The following ISY1 variants were observed in gnomAD, a reference collection of about 807,000 sequenced individuals.
ISY1 encodes the protein pre-mRNA-splicing factor ISY1 homolog.
ISY1 carries 12 observed loss-of-function variants against 54.4 expected under a neutral mutation model. The observed-to-expected ratio is 0.22, with a 90% CI of 0.14 to 0.36. The LOEUF (loss-of-function observed/expected upper bound fraction) is 0.36. Ranked by LOEUF, ISY1 falls within the 10% of genes least tolerant of loss-of-function variation. The probability of loss-of-function intolerance (pLI) is 1.00; values close to 1 mark genes in which losing one functional copy is unlikely to be tolerated. For synonymous variants in ISY1, 96 were observed against 117.9 expected (o/e 0.81, Z 1.20); for missense variants, 282 against 342.2 (o/e 0.82, Z 1.39).
Position 129,134,070 on chromosome 3 carries a change from A to G in ISY1, c.663+4T>C, listed in dbSNP as rs1178711169. ...TGAGTGCCAGAGGGGGCCAACCCCA[A>G]TACCTCCTCCTCGGTGACTGCATAG... is the stretch of plus-strand genomic sequence containing the variant. On this transcript the variant is annotated splice_donor_region_variant and intron_variant, in intron 9 of 10. Transcript: ENST00000393295. 1.2e-6 allele frequency: 2 copies of G among 1,614,044 alleles called. No individual in the cohort carries two copies. The highest frequency in any genetic ancestry group is 1.7e-5 in the Admixed American group (1 of 60,006).
intron 5 of ISY1, among the ~76,000 whole-genome samples, chr3:129,149,408 C>T (rs1450714833): frequency 5.0e-5 from 3 of 60,478 alleles, no homozygotes; most frequent in Non-Finnish European, 6.1e-5. Flanking sequence ...AGCCTGGCGA[C>T]AAGAACAAAA....
At chr3:129,158,629 C>A in intron 2 of ISY1, 70 bp from the exon 3 acceptor site, 1 of 1,596,892 alleles carries the variant, frequency 6.3e-7, no homozygotes, top group Non-Finnish European at 8.6e-7. Context: ...TACCCATGTT[C>A]CTGTATGGGG....
At position 129,152,052 on chromosome 3, in the gene ISY1, G is replaced by A. The variant is rs372869704; in HGVS notation, c.187+4581C>T. On this transcript the variant is annotated intron_variant, in intron 5 of 10. Coordinates refer to ENST00000393295, the MANE Select transcript of ISY1 (RefSeq NM_020701.4). ...CTGGCACCTGTAATCCCAGCTACTC[G>A]GGAGGCTGAGGCAGGAGAATCACTT... Among the ~76,000 whole-genome samples, 39 of 151,716 alleles carry A rather than the reference G, an allele frequency of 2.6e-4. 3 individuals are homozygous for A. Among genetic ancestry groups the A allele is most frequent in the East Asian group, 7.8e-4 (4 of 5,098 alleles).
intron 7 of ISY1, among the ~76,000 whole-genome samples, chr3:129,136,585 C>A (rs776977130): frequency 1.3e-5 from 2 of 150,934 alleles, no homozygotes; most frequent in Admixed American, 1.3e-4. Flanking sequence ...CTCACCACAA[C>A]CTCCGCCTCC....
At chr3:129,130,809 C>T (rs532338404) in intron 9 of ISY1, 173 bp from the exon 10 acceptor site, 26 of 630,182 alleles carry the variant, frequency 4.1e-5, no homozygotes, top group African/African-American at 4.1e-4. Context: ...CCATAGAACA[C>T]GCTGTATATT....
chr3:129,134,832 G>A lies in ISY1; in HGVS notation c.541C>T (p.Leu181Phe), dbSNP rs750024487. The stretch of plus-strand genomic sequence containing the variant: ...TGAAATAAAATGCCCAGAGACCTAC[G>A]TTTCTTTTCATATTCCTGTTCCAAA... ...VPLEQEYEKK[L>F]RAELVEKWKA... The change falls in exon 8 of 11, where the codon CTC becomes TTC. Residue 181 changes from leucine (L) to phenylalanine (F), a missense_variant and splice_region_variant. Physicochemically the swap from Leu to Phe is conservative, Grantham distance 22. Coordinates refer to ENST00000393295, the MANE Select transcript of ISY1 (RefSeq NM_020701.4). 1.6e-5 allele frequency: 26 copies of A among 1,605,236 alleles called. No homozygotes were observed. The Admixed American group carries it at 2.0e-4, about 12-fold the overall frequency.
intron 5 of ISY1, 46 bp downstream of exon 5, chr3:129,156,587 T>C (rs776218027): frequency 8.2e-6 from 13 of 1,591,470 alleles, no homozygotes; most frequent in East Asian, 4.5e-5. Flanking sequence ...TCAAGTCTAA[T>C]TGTGGATTTG....
intron 6 of ISY1, among the ~76,000 whole-genome samples, chr3:129,141,193 T>TTAAATAAATAAATAAATAAATAAA (rs113443810): frequency 7.2e-6 from 1 of 139,628 alleles, no homozygotes; most frequent in African/African-American, 2.7e-5. Flanking sequence ...CTGGAGTAAA[T>TTAAATAAATAAATAAATAAATAAA]TAAATAAATA....
At chr3:129,150,619 A>G (rs1425311505) in intron 5 of ISY1, among the ~76,000 whole-genome samples, 1 of 152,014 alleles carries the variant, frequency 6.6e-6, no homozygotes, top group Non-Finnish European at 1.5e-5. Context: ...AGGCTGAGGC[A>G]GGAGAATGGC....
Position 129,159,243 on chromosome 3 carries a change from T to G in ISY1, c.4-67A>C. 2.5e-6 allele frequency: 4 copies of G among 1,572,504 alleles called. No homozygotes were observed. In the South Asian group the frequency reaches 3.6e-5, roughly 14 times the overall value. On this transcript the variant is annotated intron_variant, in intron 1 of 10. Coordinates refer to ENST00000393295, the MANE Select transcript of ISY1 (RefSeq NM_020701.4). ...ATATATTTTTTTCTTGCCCTTTACT[T>G]TTTAGTGAAAAGTTTTACAAGAATA... is the stretch of plus-strand genomic sequence containing the variant.
chr3:129,146,037 G>C (rs945383763), intron 5 of ISY1, among the ~76,000 whole-genome samples, 164 bp from the exon 6 acceptor site: 3 of 151,294 alleles, frequency 2.0e-5, no homozygotes, highest in Non-Finnish European at 4.4e-5. Flanking sequence ...CCAAATAAAT[G>C]AAAGGACAAG....
intron 5 of ISY1, among the ~76,000 whole-genome samples, chr3:129,155,692 T>G (rs1327112318): frequency 2.0e-5 from 3 of 152,190 alleles, no homozygotes; most frequent in Non-Finnish European, 2.9e-5. Flanking sequence ...AATCTGTTGT[T>G]ATAATCAGAG....
chr3:129,142,990 G>C (rs1205104520), intron 6 of ISY1, among the ~76,000 whole-genome samples: 2 of 152,192 alleles, frequency 1.3e-5, no homozygotes, highest in Non-Finnish European at 2.9e-5. Context: ...AGGAGGGGGA[G>C]GTTGCAGTGA....
chr3:129,142,245 T>C (rs1443188166), intron 6 of ISY1, among the ~76,000 whole-genome samples: 1 of 149,630 alleles, frequency 6.7e-6, no homozygotes, highest in Non-Finnish European at 1.5e-5. Flanking sequence ...CAACTACATG[T>C]AGTATGTGAC....
Position 129,134,906 on chromosome 3 carries a change from T to G in ISY1, c.467A>C (p.Asp156Ala). 1.2e-6 allele frequency: 2 copies of G among 1,611,644 alleles called. No individual in the cohort carries two copies. The highest frequency in any genetic ancestry group is 4.5e-5 in the East Asian group (2 of 44,802). The change falls in exon 8 of 11, where the codon GAT (aspartate) becomes GCT (alanine). Residue 156 changes from aspartate (D) to alanine (A), a missense_variant. Asp to Ala is a moderately radical substitution (Grantham distance 126, BLOSUM62 -2). Coordinates refer to ENST00000393295, the MANE Select transcript of ISY1 (RefSeq NM_020701.4). ...KTRAELMKAI[D>A]FEYYGYLDED... is the part of the protein sequence containing the mutation. Reference sequence around the variant, plus strand: ...ATCTAGGTAACCATAGTACTCAAAATCGATTGCCTTCATGAGCTCAGCACG... The same window carrying G: ...ATCTAGGTAACCATAGTACTCAAAAGCGATTGCCTTCATGAGCTCAGCACG...
At position 129,134,823 on chromosome 3, in the gene ISY1, G is replaced by A; in HGVS notation, c.541+9C>T. 6.2e-7 allele frequency: 1 copy of A among 1,602,718 alleles called. No homozygotes were observed. On this transcript the variant is annotated intron_variant, in intron 8 of 10. Transcript: ENST00000393295. ...CATCTATTATGAAATAAAATGCCCA[G>A]AGACCTACGTTTCTTTTCATATTCC...
In ISY1 at chr3:129,134,872, A is replaced by C; in HGVS notation, c.501T>G (p.Asp167Glu). Residue 167 changes from aspartate (D) to glutamate (E), a missense_variant, in exon 8 of 11, where the codon GAT becomes GAG. Physicochemically the swap from Asp to Glu is conservative, Grantham distance 45. Transcript: ENST00000393295. ...CCTGTTCCAAAGGCACAATAACACC[A>C]TCATCTTCATCTAGGTAACCATAGT... is the stretch of plus-strand genomic sequence containing the variant. ...FEYYGYLDEDDGVIVPLEQEY... is the reference protein window; with the variant it reads ...FEYYGYLDEDEGVIVPLEQEY... The C allele has an allele frequency of 6.2e-7, 1 of 1,610,530 alleles. No homozygotes were observed. The highest frequency in any genetic ancestry group is 8.5e-7 in the Non-Finnish European group (1 of 1,177,600).
At chr3:129,135,289 A>G (rs1936357731) in intron 7 of ISY1, among the ~76,000 whole-genome samples, 1 of 152,080 alleles carries the variant, frequency 6.6e-6, no homozygotes, top group Non-Finnish European at 1.5e-5. Context: ...GTTTGCAGTG[A>G]GCCGAGATCA....
At chr3:129,155,205 G>T (rs1483053735) in intron 5 of ISY1, among the ~76,000 whole-genome samples, 7 of 144,468 alleles carry the variant, frequency 4.8e-5, no homozygotes, top group Non-Finnish European at 9.2e-5. Context: ...TGTATTTTTT[G>T]TTTGTTTGTT....
Sources: gnomAD v4.1 joint callset for allele counts (sites outside exome capture counted in the v4.1 genomes callset) on GRCh38, gnomAD v4.1.1 for gene constraint, MANE v1.5 for transcripts, NCBI Gene and HGNC (gene_info 2026-07-23, HGNC 2026-07-21) for gene names.